The following ARHGAP6 variants were observed in gnomAD, a reference collection of about 807,000 sequenced individuals.
ARHGAP6 encodes rho GTPase-activating protein 6.
ARHGAP6 carries 16 observed loss-of-function variants against 55.7 expected under a neutral mutation model. The observed-to-expected ratio is 0.29, with a 90% CI of 0.19 to 0.44. The LOEUF (loss-of-function observed/expected upper bound fraction) is 0.44, where lower values mean the gene tolerates loss of function less well. ARHGAP6 is among the 20% of genes least tolerant of loss of function. The probability of loss-of-function intolerance (pLI) is 1.00; values close to 1 mark genes in which losing one functional copy is unlikely to be tolerated. For synonymous variants in ARHGAP6, 382 were observed against 360.9 expected, an observed-to-expected ratio of 1.06 and a Z score of -0.66; for missense variants, 698 against 808.9, an observed-to-expected ratio of 0.86 and a Z score of 1.66.
chrX:11,553,319 G>A (rs1200366252), intron 1 of ARHGAP6, among the ~76,000 whole-genome samples: 1 of 108,140 alleles, frequency 9.2e-6, no homozygotes, highest in East Asian at 2.9e-4. Flanking sequence ...ATGTCTCACT[G>A]TAGCCTCAAC....
intron 1 of ARHGAP6, among the ~76,000 whole-genome samples, chrX:11,316,531 A>G (rs2048361362): frequency 3.5e-5 from 4 of 112,723 alleles, no homozygotes; most frequent in Admixed American, 2.8e-4. Context: ...TAACATATGC[A>G]TTACCTACAT....
intron 1 of ARHGAP6, among the ~76,000 whole-genome samples, chrX:11,358,807 C>T (rs1386673200): frequency 9.0e-6 from 1 of 111,626 alleles, no homozygotes; most frequent in Non-Finnish European, 1.9e-5. Flanking sequence ...TTGTTTTCCT[C>T]AGGTAGCTAT....
chrX:11,204,619 T>TTG (rs1183761106), intron 2 of ARHGAP6, among the ~76,000 whole-genome samples: 3 of 111,551 alleles, frequency 2.7e-5, no homozygotes, highest in Non-Finnish European at 5.6e-5. Flanking sequence ...TTCCCTTTGC[T>TTG]TACCAGGCAT....
At chrX:11,656,358 T>C (rs998538387) in intron 1 of ARHGAP6, among the ~76,000 whole-genome samples, 9 of 112,465 alleles carry the variant, frequency 8.0e-5, no homozygotes, top group Non-Finnish European at 1.9e-5. Flanking sequence ...GACCTGTTTA[T>C]GCCTTGTATC....
At chrX:11,506,289 G>A (rs2050731134) in intron 1 of ARHGAP6, among the ~76,000 whole-genome samples, 2 of 110,892 alleles carry the variant, frequency 1.8e-5, no homozygotes, top group African/African-American at 6.6e-5. Flanking sequence ...TGTGCAGAAC[G>A]TGCAGTTTTG....
Position 11,381,367 on chromosome X carries a change from G to A in ARHGAP6, c.589-126660C>T, listed in dbSNP as rs774953239. ...AATCTAGTTCCATGGCTAATACACC[G>A]AGCATATTTTTATGATCCTGAAATA... On this transcript the variant is annotated intron_variant, in intron 1 of 12. Coordinates refer to ENST00000337414, the MANE Select transcript of ARHGAP6 (RefSeq NM_013427.3). 4.5e-5 allele frequency among the ~76,000 whole-genome samples: 5 copies of A among 112,052 alleles called. No individual in the cohort carries two copies. The East Asian group carries it at 8.4e-4, about 19-fold the overall frequency.
At chrX:11,319,411 A>C (rs933519838) in intron 1 of ARHGAP6, among the ~76,000 whole-genome samples, 2 of 111,723 alleles carry the variant, frequency 1.8e-5, no homozygotes, top group African/African-American at 6.5e-5. Flanking sequence ...CTGATTCAGT[A>C]GGTCTTCAAC....
intron 1 of ARHGAP6, among the ~76,000 whole-genome samples, chrX:11,504,660 A>T (rs1404489484): frequency 8.9e-6 from 1 of 112,452 alleles, no homozygotes; most frequent in Non-Finnish European, 1.9e-5. Context: ...GCAGGTCTTT[A>T]GCTGAATGAG....
At position 11,515,548 on chromosome X, in the gene ARHGAP6, G is replaced by A. The variant is rs760540738; in HGVS notation, c.588+148693C>T. On this transcript the variant is annotated intron_variant, in intron 1 of 12. Coordinates refer to ENST00000337414, the MANE Select transcript of ARHGAP6 (RefSeq NM_013427.3). ...TCAATAATCTTGGCCAAATTTCTGC[G>A]CTTGGCTAAAAACCTATAGGCCATG... is the stretch of plus-strand genomic sequence containing the variant. 5.2e-3 allele frequency among the ~76,000 whole-genome samples: 576 copies of A among 111,345 alleles called. 3 individuals are homozygous for A. The highest frequency in any genetic ancestry group is 7.3e-3 in the Non-Finnish European group (388 of 53,033).
intron 1 of ARHGAP6, among the ~76,000 whole-genome samples, chrX:11,421,864 G>T (rs1011447761): frequency 1.4e-4 from 16 of 112,008 alleles, no homozygotes; most frequent in Admixed American, 1.2e-3. Flanking sequence ...AAACTGGAAA[G>T]CTAATTTTTA....
chrX:11,339,284 C>T (rs1603096654), intron 1 of ARHGAP6, among the ~76,000 whole-genome samples: 2 of 111,641 alleles, frequency 1.8e-5, no homozygotes, highest in South Asian at 3.8e-4. Context: ...TCTACCACAC[C>T]GACTTTTATC....
At chrX:11,333,013 C>A (rs778340503) in intron 1 of ARHGAP6, among the ~76,000 whole-genome samples, 1 of 111,735 alleles carries the variant, frequency 8.9e-6, no homozygotes, top group Non-Finnish European at 1.9e-5. Context: ...GGAGGATGTC[C>A]AACTGGGCAG....
At chrX:11,544,486 T>C (rs936688511) in intron 1 of ARHGAP6, among the ~76,000 whole-genome samples, 1 of 112,456 alleles carries the variant, frequency 8.9e-6, no homozygotes, top group African/African-American at 3.2e-5. Context: ...GGTTGGGTTA[T>C]GCCTGTCATT....
chrX:11,190,473 A>ATATATATATACACACATATATATG lies in ARHGAP6; in HGVS notation c.821-1490_821-1489insCATATATATGTGTGTATATATATA, dbSNP rs1555967766. Reference sequence around the variant, plus strand: ...GTACCCTGAGGAGATATATATATATATATATATACATATATCTATATAGAT... The same window carrying ATATATATATACACACATATATATG: ...GTACCCTGAGGAGATATATATATATATATATATATACACACATATATATGTATATATACATATATCTATATAGAT... On this transcript the variant is annotated intron_variant, in intron 3 of 12. Coordinates refer to ENST00000337414, the MANE Select transcript of ARHGAP6 (RefSeq NM_013427.3). Among the ~76,000 whole-genome samples the ATATATATATACACACATATATATG allele has an allele frequency of 1.3e-3, 130 of 100,298 alleles. 1 individual carries two copies. The highest frequency in any genetic ancestry group is 2.9e-3 in the African/African-American group (77 of 26,897). 87.1% of individuals were successfully genotyped at this position (100,298 alleles called of 115,157 possible).
At chrX:11,542,722 C>CT (rs2051171150) in intron 1 of ARHGAP6, among the ~76,000 whole-genome samples, 1 of 111,314 alleles carries the variant, frequency 9.0e-6, no homozygotes, top group Non-Finnish European at 1.9e-5. Context: ...TAAGTGCTGA[C>CT]TATACTTCCT....
At chrX:11,155,085 TATC>T (rs2045845060) in intron 10 of ARHGAP6, among the ~76,000 whole-genome samples, 2 of 112,032 alleles carry the variant, frequency 1.8e-5, no homozygotes, top group Admixed American at 1.9e-4. Context: ...TTAGCTGTGC[TATC>T]AACGTAATGA....
chrX:11,198,485 C>A (rs1246718470), intron 2 of ARHGAP6, among the ~76,000 whole-genome samples: 1 of 111,855 alleles, frequency 8.9e-6, no homozygotes, highest in African/African-American at 3.2e-5. Context: ...TCCAATTAGG[C>A]CTTACAGGTC....
intron 1 of ARHGAP6, among the ~76,000 whole-genome samples, chrX:11,407,589 G>A (rs376174576): frequency 8.9e-6 from 1 of 111,780 alleles, no homozygotes; most frequent in Non-Finnish European, 1.9e-5. Flanking sequence ...CAAAGTGGCT[G>A]CAGCATTTTA....
intron 1 of ARHGAP6, among the ~76,000 whole-genome samples, chrX:11,264,196 T>A (rs916078446): frequency 1.8e-5 from 2 of 110,286 alleles, no homozygotes; most frequent in Non-Finnish European, 3.8e-5. Context: ...TAAGATTTTG[T>A]CTCTGAGAAA....
Sources: gnomAD v4.1 joint callset for allele counts (sites outside exome capture counted in the v4.1 genomes callset) on GRCh38, gnomAD v4.1.1 for gene constraint, MANE v1.5 for transcripts, NCBI Gene and HGNC (gene_info 2026-07-23, HGNC 2026-07-21) for gene names.